Variants in MXRA7 observed in about 807,000 individuals in gnomAD.
The protein encoded by MXRA7 is matrix remodeling associated 7.
In MXRA7, 18 loss-of-function variants were observed where a neutral mutation model predicts 17.4. The observed-to-expected ratio is 1.03, with a 90% confidence interval of 0.71 to 1.53. The LOEUF is 1.53. Ranked by LOEUF, MXRA7 falls within the 40% of genes most tolerant of loss-of-function variation. The pLI is 0.00. For missense variants in MXRA7, 141 were observed against 209.3 expected (o/e 0.67, Z 2.01); for synonymous variants, 70 against 101.7 (o/e 0.69, Z 1.87).
chr17:76,708,108 C>T (rs2076681574), intron 1 of MXRA7, among the ~76,000 whole-genome samples: 1 of 152,230 alleles, frequency 6.6e-6, no homozygotes, highest in Admixed American at 6.5e-5. Flanking sequence ...ACTACTTTGT[C>T]CTTGGCCAAA....
At chr17:76,707,853 G>A (rs1598364513) in intron 1 of MXRA7, among the ~76,000 whole-genome samples, 1 of 152,188 alleles carries the variant, frequency 6.6e-6, no homozygotes, top group African/African-American at 2.4e-5. Flanking sequence ...AAAAGAGGCC[G>A]GCTCCTGTTC....
chr17:76,684,481 C>T (rs992285523), intron 3 of MXRA7, among the ~76,000 whole-genome samples: 18 of 152,202 alleles, frequency 1.2e-4, no homozygotes, highest in African/African-American at 3.9e-4. Flanking sequence ...ACCCCTTCCC[C>T]GCCCAGCAGG....
intron 1 of MXRA7, among the ~76,000 whole-genome samples, chr17:76,692,412 C>A (rs773087211): frequency 6.6e-6 from 1 of 151,978 alleles, no homozygotes; most frequent in Non-Finnish European, 1.5e-5. Flanking sequence ...TGCCACCACA[C>A]CTGGCTAATT....
chr17:76,694,098 G>A (rs1042575355), intron 1 of MXRA7, among the ~76,000 whole-genome samples: 2 of 152,158 alleles, frequency 1.3e-5, no homozygotes, highest in South Asian at 2.1e-4. Context: ...CTGGATGGGC[G>A]GGGGCATAGG....
At chr17:76,685,770 G>A (rs1047271580) in intron 2 of MXRA7, among the ~76,000 whole-genome samples, 1 of 152,222 alleles carries the variant, frequency 6.6e-6, no homozygotes, top group Non-Finnish European at 1.5e-5. Flanking sequence ...GAGGGCACAT[G>A]GATGGGTAGG....
chr17:76,674,421 T>A (rs1282977228), exon 4 of MXRA7: 1 of 152,196 alleles, frequency 6.6e-6, no homozygotes, highest in Non-Finnish European at 1.5e-5. Context: ...TTACGGGGAA[T>A]AGATAGGAGC....
intron 1 of MXRA7, among the ~76,000 whole-genome samples, chr17:76,691,724 T>G (rs548510494): frequency 6.6e-6 from 1 of 152,148 alleles, no homozygotes; most frequent in African/African-American, 2.4e-5. Context: ...AGAAAAACAG[T>G]TGGTTTTTCT....
At chr17:76,710,520 C>A in intron 1 of MXRA7, 85 bp downstream of exon 1, 2 of 1,130,756 alleles carry the variant, frequency 1.8e-6, no homozygotes, top group Non-Finnish European at 2.2e-6. Context: ...GAGGCCGCGG[C>A]CCCGCTCCCT....
intron 1 of MXRA7, among the ~76,000 whole-genome samples, chr17:76,704,744 C>CA (rs1450357651): frequency 7.0e-6 from 1 of 143,254 alleles, no homozygotes; most frequent in African/African-American, 2.6e-5. Context: ...GAGATTGCGC[C>CA]ACTGCACTCC....
At chr17:76,689,765 G>A (rs538216621) in intron 1 of MXRA7, 1 of 152,248 alleles carries the variant, frequency 6.6e-6, no homozygotes, top group Non-Finnish European at 1.5e-5. Context: ...CCAGAATTTT[G>A]GGAGGCCTAG....
intron 1 of MXRA7, among the ~76,000 whole-genome samples, chr17:76,694,748 G>A (rs1308904643): frequency 6.6e-6 from 1 of 152,078 alleles, no homozygotes; most frequent in East Asian, 1.9e-4. Flanking sequence ...ACGAGGCTTG[G>A]CTAATTTGTG....
chr17:76,677,745 C>T (rs780419078), downstream of MXRA7: 4 of 1,445,918 alleles, frequency 2.8e-6, no homozygotes, highest in Admixed American at 1.7e-5. Flanking sequence ...TGCTCCTAGC[C>T]CACTGGGGAG....
intron 3 of MXRA7, chr17:76,683,994 G>T (rs112400888): frequency 3.2e-6 from 4 of 1,243,870 alleles, no homozygotes; most frequent in Non-Finnish European, 3.6e-6. Context: ...GAGGACTCGG[G>T]GCTCCTGCCA....
In MXRA7 at chr17:76,694,956, G is replaced by A. The variant is rs1484911119; in HGVS notation, c.343-6780C>T. Reference sequence around the variant, plus strand: ...GTGGATCACCTGAGGTCAGCAGTTCGAGACCAGCCTGGACAACATAGTGAA... The same window carrying A: ...GTGGATCACCTGAGGTCAGCAGTTCAAGACCAGCCTGGACAACATAGTGAA... On this transcript the variant is annotated intron_variant, in intron 1 of 3. Coordinates refer to ENST00000449428, the MANE Select transcript of MXRA7 (RefSeq NM_198530.4). 5.3e-5 allele frequency among the ~76,000 whole-genome samples: 8 copies of A among 152,136 alleles called. No individual in the cohort carries two copies. The East Asian group carries it at 7.7e-4, about 15-fold the overall frequency.
intron 2 of MXRA7, among the ~76,000 whole-genome samples, chr17:76,687,383 G>A (rs1054118058): frequency 3.3e-5 from 5 of 152,234 alleles, no homozygotes; most frequent in Non-Finnish European, 5.9e-5. Flanking sequence ...CATCACAAAA[G>A]CAGACTTGCT....
At chr17:76,708,818 C>T (rs2076689485) in intron 1 of MXRA7, among the ~76,000 whole-genome samples, 1 of 152,136 alleles carries the variant, frequency 6.6e-6, no homozygotes, top group Non-Finnish European at 1.5e-5. Context: ...CAATTGAATT[C>T]TCCTGTGGGG....
intron 1 of MXRA7, among the ~76,000 whole-genome samples, chr17:76,705,292 A>G (rs2143683614): frequency 6.6e-6 from 1 of 152,322 alleles, no homozygotes; most frequent in East Asian, 1.9e-4. Context: ...ACAACTTTAC[A>G]AAAAAATACC....
downstream of MXRA7, chr17:76,677,769 G>A (rs1396056293): frequency 2.6e-6 from 3 of 1,158,694 alleles, no homozygotes; most frequent in African/African-American, 3.0e-5. Context: ...GGGAGCCTGT[G>A]TGCAGCCGGC....
chr17:76,680,799 G>A lies in MXRA7; in HGVS notation c.*68C>T, dbSNP rs2143570114. ...GCCCAGACTCCTCTCTGGGGTTTCC[G>A]TTTTATCTCTCAAGCTTTTAAGATG... is the stretch of plus-strand genomic sequence containing the variant. On this transcript the variant is annotated 3_prime_UTR_variant, in exon 4 of 4. Transcript: ENST00000449428. 1.9e-6 allele frequency: 3 copies of A among 1,580,160 alleles called. No individual in the cohort carries two copies. Among genetic ancestry groups the A allele is most frequent in the Non-Finnish European group, 2.6e-6 (3 of 1,163,360 alleles).
Sources: gnomAD v4.1 joint callset for allele counts (sites outside exome capture counted in the v4.1 genomes callset) on GRCh38, gnomAD v4.1.1 for gene constraint, MANE v1.5 for transcripts, NCBI Gene and HGNC (gene_info 2026-07-23, HGNC 2026-07-21) for gene names.